CNTN4: variants seen among roughly 807,000 people sequenced by gnomAD.
CNTN4 encodes contactin-4.
Under a neutral mutation model 122.5 loss-of-function variants are expected in CNTN4, and 77 were observed. The ratio of observed to expected loss-of-function variants is 0.63; its 90% confidence interval spans 0.52 to 0.76. The LOEUF (loss-of-function observed/expected upper bound fraction) is 0.76. Among genes scored for constraint, CNTN4 ranks in the 30% least tolerant of loss-of-function variants. The pLI is 0.00. For missense variants in CNTN4, 1,256 were observed against 1,259.1 expected, an observed-to-expected ratio of 1.00 and a Z score of 0.04; for synonymous variants, 512 against 447.0, an observed-to-expected ratio of 1.15 and a Z score of -1.83.
intron 3 of CNTN4, among the ~76,000 whole-genome samples, chr3:2,377,266 C>T (rs148092445): frequency 5.9e-5 from 9 of 152,230 alleles, no homozygotes; most frequent in African/African-American, 2.2e-4. Context: ...TTCAGTAGCT[C>T]CTCTCCCTAA....
At chr3:2,869,054 G>A (rs1263596427) in intron 8 of CNTN4, among the ~76,000 whole-genome samples, 2 of 152,166 alleles carry the variant, frequency 1.3e-5, no homozygotes, top group African/African-American at 2.4e-5. Flanking sequence ...ACAGTTGAGC[G>A]TGGTTGAAGC....
chr3:2,751,390 T>G (rs1576659415), intron 6 of CNTN4, among the ~76,000 whole-genome samples: 1 of 152,160 alleles, frequency 6.6e-6, no homozygotes, highest in African/African-American at 2.4e-5. Flanking sequence ...AGTTCGCTTT[T>G]ACCCTGGAAA....
chr3:2,257,936 G>A (rs148788282), intron 2 of CNTN4, among the ~76,000 whole-genome samples: 12 of 152,160 alleles, frequency 7.9e-5, no homozygotes, highest in African/African-American at 1.9e-4. Context: ...GGTGGTGCAC[G>A]TCTGTAATCC....
intron 18 of CNTN4, among the ~76,000 whole-genome samples, chr3:3,038,649 C>A (rs1408510144): frequency 6.6e-6 from 1 of 152,232 alleles, no homozygotes; most frequent in African/African-American, 2.4e-5. Context: ...CCTTCGGGAA[C>A]CCCTCGGCCT....
chr3:2,118,741 T>C (rs757268068), intron 2 of CNTN4, among the ~76,000 whole-genome samples: 19 of 152,212 alleles, frequency 1.2e-4, no homozygotes, highest in Admixed American at 5.9e-4. Flanking sequence ...AAGAATGATT[T>C]GGACTACTGG....
chr3:2,628,495 A>G (rs1044624009), intron 4 of CNTN4, among the ~76,000 whole-genome samples: 2 of 152,250 alleles, frequency 1.3e-5, no homozygotes, highest in African/African-American at 4.8e-5. Context: ...GATAGAATGC[A>G]GTGGATATCT....
intron 6 of CNTN4, among the ~76,000 whole-genome samples, chr3:2,773,268 A>C (rs1470093892): frequency 1.3e-5 from 2 of 152,190 alleles, no homozygotes; most frequent in African/African-American, 4.8e-5. Context: ...TTTCAGGTTG[A>C]CAAAATTTTT....
chr3:2,483,014 G>T (rs575111085), intron 3 of CNTN4, among the ~76,000 whole-genome samples: 3 of 152,006 alleles, frequency 2.0e-5, no homozygotes, highest in Non-Finnish European at 4.4e-5. Flanking sequence ...CCCCAGAATG[G>T]TAGATCCACC....
chr3:2,787,342 C>G (rs1244677818), intron 6 of CNTN4, among the ~76,000 whole-genome samples: 2 of 152,150 alleles, frequency 1.3e-5, no homozygotes, highest in Admixed American at 6.5e-5. Flanking sequence ...TGCCACTGCT[C>G]TCCAGCCTGG....
intron 17 of CNTN4, among the ~76,000 whole-genome samples, chr3:3,035,512 G>C (rs1449831718): frequency 6.6e-6 from 1 of 152,100 alleles, no homozygotes; most frequent in Non-Finnish European, 1.5e-5. Flanking sequence ...AGTTTACACA[G>C]TGCTCTCAAA....
At chr3:2,449,340 C>T (rs905253606) in intron 3 of CNTN4, among the ~76,000 whole-genome samples, 5 of 151,688 alleles carry the variant, frequency 3.3e-5, no homozygotes, top group South Asian at 2.1e-4. Context: ...TAGGGCTGGG[C>T]GTGGTGACTC....
chr3:2,563,282 G>A (rs953825929), intron 3 of CNTN4, among the ~76,000 whole-genome samples: 15 of 152,212 alleles, frequency 9.9e-5, no homozygotes, highest in South Asian at 2.1e-4. Context: ...TAAAAAGAAC[G>A]CATGTCAGTG....
intron 3 of CNTN4, among the ~76,000 whole-genome samples, chr3:2,554,540 G>GA (rs1019086227): frequency 5.1e-4 from 77 of 151,382 alleles, no homozygotes; most frequent in African/African-American, 1.5e-3. Flanking sequence ...CTTGAGAACA[G>GA]AAAAAAAAAT....
chr3:2,277,572 T>G (rs1017691180), intron 2 of CNTN4, among the ~76,000 whole-genome samples: 1 of 152,218 alleles, frequency 6.6e-6, no homozygotes, highest in Admixed American at 6.5e-5. Flanking sequence ...GACATCTTTG[T>G]CCATCTTTCA....
intron 6 of CNTN4, among the ~76,000 whole-genome samples, chr3:2,777,093 G>A (rs1309742499): frequency 6.6e-6 from 1 of 152,078 alleles, no homozygotes; most frequent in East Asian, 1.9e-4. Context: ...CAATTCTCCT[G>A]CCTTAGCCTC....
chr3:2,121,878 A>G (rs969366024), intron 2 of CNTN4, among the ~76,000 whole-genome samples: 1 of 152,000 alleles, frequency 6.6e-6, no homozygotes, highest in Non-Finnish European at 1.5e-5. Flanking sequence ...CCCCCTTTGT[A>G]TTTTAAAATT....
At chr3:2,920,032 A>G (rs1372573117) in intron 12 of CNTN4, among the ~76,000 whole-genome samples, 1 of 152,082 alleles carries the variant, frequency 6.6e-6, no homozygotes, top group East Asian at 1.9e-4. Context: ...GAGAAAGATG[A>G]GAGATCTTGA....
chr3:2,353,687 C>A (rs191330712), intron 3 of CNTN4, among the ~76,000 whole-genome samples: 3 of 152,132 alleles, frequency 2.0e-5, no homozygotes, highest in Non-Finnish European at 4.4e-5. Context: ...TTCTTGAAGT[C>A]AGCGAGACCA....
At chr3:2,888,174 G>A (rs570640508) in intron 10 of CNTN4, among the ~76,000 whole-genome samples, 10 of 152,254 alleles carry the variant, frequency 6.6e-5, no homozygotes, top group African/African-American at 1.4e-4. Context: ...AGATATGACC[G>A]AAGTTCTAAG....
Sources: gnomAD v4.1 joint callset for allele counts (sites outside exome capture counted in the v4.1 genomes callset) on GRCh38, gnomAD v4.1.1 for gene constraint, MANE v1.5 for transcripts, NCBI Gene and HGNC (gene_info 2026-07-23, HGNC 2026-07-21) for gene names.